The following THBS4 variants were observed in gnomAD, a reference collection of about 807,000 sequenced individuals.
THBS4 encodes the protein thrombospondin-4.
A neutral mutation model predicts 115.7 loss-of-function variants in THBS4; 90 were observed. The ratio of observed to expected loss-of-function variants is 0.78; its 90% CI spans 0.66 to 0.93. The LOEUF is 0.93. Among genes scored for constraint, THBS4 ranks in the 40% least tolerant of loss-of-function variants. The probability of loss-of-function intolerance (pLI) is 0.00; values close to 1 mark genes in which losing one functional copy is unlikely to be tolerated. For missense variants in THBS4, 1,087 were observed against 1,232.7 expected, an observed-to-expected ratio of 0.88 and a Z score of 1.77; for synonymous variants, 460 against 479.3, an observed-to-expected ratio of 0.96 and a Z score of 0.53.
At chr5:80,056,657 C>A (rs1833442914) in intron 3 of THBS4, among the ~76,000 whole-genome samples, 1 of 152,168 alleles carries the variant, frequency 6.6e-6, no homozygotes. Flanking sequence ...TTGTGCTAGG[C>A]AGTGCTTTGT....
At chr5:80,049,057 C>T (rs1833167051) in intron 2 of THBS4, among the ~76,000 whole-genome samples, 1 of 152,240 alleles carries the variant, frequency 6.6e-6, no homozygotes, top group African/African-American at 2.4e-5. Flanking sequence ...GGCCAGGCCA[C>T]TCTGGACTCC....
At chr5:80,013,201 G>A (rs769703964) in intron 2 of THBS4, among the ~76,000 whole-genome samples, 9 of 152,044 alleles carry the variant, frequency 5.9e-5, no homozygotes, top group Non-Finnish European at 1.2e-4. Context: ...GTGCAATGGC[G>A]CAATCTTGGC....
intron 7 of THBS4, among the ~76,000 whole-genome samples, chr5:80,060,973 A>C (rs1833612317): frequency 6.6e-6 from 1 of 152,212 alleles, no homozygotes; most frequent in Non-Finnish European, 1.5e-5. Flanking sequence ...TGGTAATGTT[A>C]GTAACACTCA....
intron 2 of THBS4, among the ~76,000 whole-genome samples, chr5:80,023,009 A>G (rs974662216): frequency 6.6e-6 from 1 of 152,182 alleles, no homozygotes; most frequent in East Asian, 1.9e-4. Flanking sequence ...GTTATCATCA[A>G]TTTCCTTAGT....
At chr5:80,073,438 C>G (rs1050385720) in intron 15 of THBS4, 111 bp downstream of exon 15, 1 of 942,180 alleles carries the variant, frequency 1.1e-6, no homozygotes, top group South Asian at 1.4e-5. Context: ...GGCTGGAGTA[C>G]AGTGGTGCAA....
intron 15 of THBS4, 75 bp from the exon 16 acceptor site, chr5:80,076,780 C>A: frequency 7.5e-7 from 1 of 1,335,194 alleles, no homozygotes; most frequent in Non-Finnish European, 9.9e-7. Flanking sequence ...CAAGCACAGA[C>A]TCTCCTTCCT....
In THBS4 at chr5:80,040,973, A is replaced by G. The variant is rs1832881035; in HGVS notation, c.292+693A>G. Among the ~76,000 whole-genome samples, 5 of 152,202 alleles carry G rather than the reference A, an allele frequency of 3.3e-5. No individual in the cohort carries two copies. In the South Asian group the frequency reaches 1.0e-3, roughly 32 times the overall value. On this transcript the variant is annotated intron_variant, in intron 2 of 21. Coordinates refer to ENST00000350881, the MANE Select transcript of THBS4 (RefSeq NM_003248.6). ...AATTCATTCCCTTGAGAACTAATCC[A>G]TTTTCACAAGAGCTGAAACTCACTG...
rs753195921 is a variant in THBS4, at chr5:80,058,741, C to T, written c.683C>T (p.Thr228Ile). 1 of 1,614,108 alleles carries T rather than the reference C, an allele frequency of 6.2e-7. No individual in the cohort carries two copies. Among genetic ancestry groups the T allele is most frequent in the East Asian group, 2.2e-5 (1 of 44,860 alleles). Residue 228 changes from threonine (T) to isoleucine (I), a missense_variant, in exon 5 of 22, where the codon ACA (threonine) becomes ATA (isoleucine). By Grantham distance (89) the Thr-to-Ile change is moderately conservative (BLOSUM62 -1). Transcript: ENST00000350881. Reference protein sequence around the residue: ...DFNRQFLGQMTQLNQLLGEVK... With the variant: ...DFNRQFLGQMIQLNQLLGEVK... ...AACCGGCAGTTCTTGGGTCAAATGA[C>T]ACAATTAAACCAACTCCTGGGAGAG...
At chr5:80,032,309 T>G (rs773865214), upstream of THBS4, among the ~76,000 whole-genome samples, 2 of 152,328 alleles carry the variant, frequency 1.3e-5, no homozygotes, top group Non-Finnish European at 2.9e-5. Context: ...GTAAATTCTG[T>G]TAGGCTAACA....
In THBS4 at chr5:80,007,652, G is replaced by A. The variant is rs143433459; in HGVS notation, n.177+9225G>A. ...GTACTTCTTGGGGTCCATCTGCCTC[G>A]GGGGTGGAAATTGTGAATAGAACTG... On this transcript the variant is annotated intron_variant and non_coding_transcript_variant, in intron 2 of 3. Transcript: ENST00000510218. Among the ~76,000 whole-genome samples, 261 of 152,246 alleles carry A rather than the reference G, an allele frequency of 1.7e-3. 1 individual carries two copies. The highest frequency in any genetic ancestry group is 5.3e-3 in the African/African-American group (222 of 41,542).
intron 5 of THBS4, among the ~76,000 whole-genome samples, 155 bp downstream of exon 5, chr5:80,058,945 A>T (rs1175740093): frequency 6.6e-6 from 1 of 152,126 alleles, no homozygotes; most frequent in African/African-American, 2.4e-5. Flanking sequence ...CTCTGCTGGA[A>T]GTTCTCTGGA....
At chr5:80,077,825 C>T (rs1455820158) in intron 16 of THBS4, among the ~76,000 whole-genome samples, 4 of 152,290 alleles carry the variant, frequency 2.6e-5, no homozygotes, top group South Asian at 4.1e-4. Context: ...TTTCAAAAAA[C>T]TCTGGGAGGA....
intron 2 of THBS4, among the ~76,000 whole-genome samples, chr5:80,026,174 C>T (rs2151160378): frequency 6.6e-6 from 1 of 152,318 alleles, no homozygotes; most frequent in South Asian, 2.1e-4. Flanking sequence ...CCTACTTCTC[C>T]TGAAATTTAT....
At chr5:80,074,159 G>C (rs1743069936) in intron 15 of THBS4, 1 of 152,144 alleles carries the variant, frequency 6.6e-6, no homozygotes, top group Admixed American at 6.5e-5. Flanking sequence ...TTTCAGCTCA[G>C]GAAAACTTCA....
Position 80,070,387 on chromosome 5 carries a change from T to C in THBS4, c.1429T>C (p.Cys477Arg). The C allele has an allele frequency of 1.9e-6, 3 of 1,613,974 alleles. No individual in the cohort carries two copies. The highest frequency in any genetic ancestry group is 1.3e-5 in the African/African-American group (1 of 75,028). Residue 477 changes from cysteine (C) to arginine (R), a missense_variant, in exon 11 of 22, where the codon TGC becomes CGC. Physicochemically the swap from Cys to Arg is radical, Grantham distance 180 (BLOSUM62 -3). Transcript: ENST00000350881. ...IDSYPDEELP[C>R]SARNCKKDNC... ...CAGTTACCCCGACGAAGAACTGCCA[T>C]GCTCTGCCAGGAACTGTAAAAAGGT...
chr5:80,059,904 A>G lies in THBS4; in HGVS notation c.986A>G (p.Glu329Gly), dbSNP rs372451317. 3 of 1,613,334 alleles carry G rather than the reference A, an allele frequency of 1.9e-6. No homozygotes were observed. The African/African-American group carries it at 4.0e-5, about 22-fold the overall frequency. Residue 329 changes from glutamate to glycine, a missense_variant and splice_region_variant, in exon 7 of 22, where the codon GAG (glutamate) becomes GGG (glycine). Physicochemically the swap from Glu to Gly is moderately conservative, Grantham distance 98 (BLOSUM62 -2). Around this residue, in one of 3 missense-constraint regions of THBS4, gnomAD observed 979 missense variants for 1,103.7 expected, o/e 0.89. Coordinates refer to ENST00000350881, the MANE Select transcript of THBS4 (RefSeq NM_003248.6). ...GGGATCACCTGTATTGATGTTGATG[A>G]GGTAAAAGTTCACTTAGACTGGGAG... is the stretch of plus-strand genomic sequence containing the variant. ...GNGITCIDVDECKYHPCYPGV... is the reference protein window; with the variant it reads ...GNGITCIDVDGCKYHPCYPGV...
At chr5:80,020,785 T>C (rs1406334141) in intron 2 of THBS4, among the ~76,000 whole-genome samples, 3 of 152,210 alleles carry the variant, frequency 2.0e-5, no homozygotes, top group African/African-American at 7.2e-5. Flanking sequence ...TTTTCTCCTC[T>C]ATAATGCAGG....
At chr5:80,047,818 G>T (rs898755104) in intron 2 of THBS4, among the ~76,000 whole-genome samples, 2 of 151,326 alleles carry the variant, frequency 1.3e-5, no homozygotes, top group African/African-American at 4.9e-5. Context: ...TGTTGTTGTC[G>T]TTATCCTTAG....
chr5:80,059,046 A>G (rs1457199365), intron 5 of THBS4, among the ~76,000 whole-genome samples: 4 of 152,216 alleles, frequency 2.6e-5, no homozygotes, highest in Admixed American at 2.6e-4. Context: ...GAAGTGTTAC[A>G]GAGAGCCAGG....
Sources: allele counts gnomAD v4.1 joint callset (sites outside exome capture counted in the v4.1 genomes callset), GRCh38; gene constraint gnomAD v4.1.1; regional missense constraint gnomAD v4.1.1; transcripts MANE v1.5; gene names NCBI Gene and HGNC (gene_info 2026-07-23, HGNC 2026-07-21).